FOXP2: variants seen among roughly 807,000 people sequenced by gnomAD.
FOXP2 encodes forkhead box protein P2.
In FOXP2, 12 loss-of-function variants were observed where a neutral mutation model predicts 115.8. The observed-to-expected ratio is 0.10, with a 90% CI of 0.07 to 0.17. The LOEUF is 0.17. Among genes scored for constraint, FOXP2 ranks in the 10% least tolerant of loss-of-function variants. The probability of loss-of-function intolerance (pLI) is 1.00; values close to 1 mark genes in which losing one functional copy is unlikely to be tolerated. For synonymous variants in FOXP2, 328 were observed against 297.7 expected, an observed-to-expected ratio of 1.10 and a Z score of -1.05; for missense variants, 629 against 843.5, an observed-to-expected ratio of 0.75 and a Z score of 3.15.
At chr7:114,270,878 T>C (rs1002915239) in intron 1 of FOXP2, among the ~76,000 whole-genome samples, 1 of 152,100 alleles carries the variant, frequency 6.6e-6, no homozygotes. Flanking sequence ...TAAAAAATCA[T>C]CACTATACCT....
At chr7:114,114,511 C>G (rs563806768) in intron 1 of FOXP2, among the ~76,000 whole-genome samples, 2 of 152,134 alleles carry the variant, frequency 1.3e-5, no homozygotes, top group East Asian at 3.9e-4. Flanking sequence ...ATGAGACGGA[C>G]TAAGATATAT....
chr7:114,672,617 A>AG (rs1196432423), intron 16 of FOXP2, among the ~76,000 whole-genome samples: 1 of 10,018 alleles, frequency 1.0e-4, no homozygotes, highest in Non-Finnish European at 4.2e-3. Context: ...TTTACTCCTT[A>AG]TTCATCTAAT....
intron 3 of FOXP2, among the ~76,000 whole-genome samples, chr7:114,575,630 C>T (rs1392712813): frequency 2.0e-5 from 3 of 151,876 alleles, no homozygotes; most frequent in Non-Finnish European, 4.4e-5. Flanking sequence ...TGATGCCTGG[C>T]AGCCAAGAAG....
intron 2 of FOXP2, among the ~76,000 whole-genome samples, chr7:114,474,253 G>T (rs946346478): frequency 1.3e-5 from 2 of 152,122 alleles, no homozygotes; most frequent in African/African-American, 4.8e-5. Flanking sequence ...GAAATCTAAA[G>T]AGTATAACAG....
chr7:114,405,602 A>G (rs1170534510), intron 2 of FOXP2, among the ~76,000 whole-genome samples: 2 of 151,940 alleles, frequency 1.3e-5, no homozygotes, highest in Non-Finnish European at 1.5e-5. Context: ...TAACGTTAAC[A>G]TTGGTAACAG....
In FOXP2 at chr7:114,149,602, A is replaced by AT. The variant is rs376120503; in HGVS notation, c.-246-13332dup. Among the ~76,000 whole-genome samples the AT allele has an allele frequency of 7.7e-3, 1,149 of 149,340 alleles. 15 individuals are homozygous for AT. The highest frequency in any genetic ancestry group is 0.024 in the African/African-American group (977 of 40,896). On this transcript the variant is annotated intron_variant, in intron 1 of 19. Coordinates refer to the FOXP2 transcript ENST00000635638. The stretch of plus-strand genomic sequence containing the variant: ...TTTATTATTAATTCCCCCATTTAAC[A>AT]TTTTTTTTTTATCTAGCAAACTGTG...
At chr7:114,450,245 A>G (rs1387889278) in intron 2 of FOXP2, among the ~76,000 whole-genome samples, 3 of 152,108 alleles carry the variant, frequency 2.0e-5, no homozygotes, top group Non-Finnish European at 4.4e-5. Context: ...AAACATTAAA[A>G]TGGGCTTGGC....
chr7:114,462,189 G>C (rs2129225147), intron 2 of FOXP2, among the ~76,000 whole-genome samples: 1 of 143,778 alleles, frequency 7.0e-6, no homozygotes, highest in African/African-American at 2.6e-5. Context: ...GCTGAGGCAG[G>C]AGAATCGCTT....
intron 1 of FOXP2, among the ~76,000 whole-genome samples, chr7:114,117,710 C>A (rs999424025): frequency 3.3e-5 from 5 of 152,038 alleles, no homozygotes; most frequent in African/African-American, 1.2e-4. Context: ...CTCTTATTCC[C>A]CAGTGTCTTA....
At chr7:114,204,080 G>A (rs1421997658) in intron 1 of FOXP2, among the ~76,000 whole-genome samples, 2 of 151,570 alleles carry the variant, frequency 1.3e-5, no homozygotes, top group Non-Finnish European at 2.9e-5. Context: ...TTCTTCTGAG[G>A]CATCTTCTTT....
intron 2 of FOXP2, among the ~76,000 whole-genome samples, chr7:114,435,599 G>A (rs367746384): frequency 2.0e-5 from 3 of 152,120 alleles, no homozygotes; most frequent in Admixed American, 6.6e-5. Context: ...GTGCAATGGC[G>A]TGATCTTGGC....
At chr7:114,386,595 A>G (rs1024845457) in intron 2 of FOXP2, among the ~76,000 whole-genome samples, 1 of 152,260 alleles carries the variant, frequency 6.6e-6, no homozygotes, top group East Asian at 1.9e-4. Flanking sequence ...GTCTTTCACT[A>G]TTTTTGGTTT....
chr7:114,133,858 A>T (rs1329001833), intron 1 of FOXP2, among the ~76,000 whole-genome samples: 1 of 152,202 alleles, frequency 6.6e-6, no homozygotes, highest in Non-Finnish European at 1.5e-5. Context: ...CTTCTCCAGT[A>T]TGTTGTGACA....
intron 3 of FOXP2, among the ~76,000 whole-genome samples, chr7:114,603,322 C>A (rs1254982208): frequency 6.6e-6 from 1 of 152,142 alleles, no homozygotes; most frequent in Non-Finnish European, 1.5e-5. Context: ...ACATTAAAAT[C>A]TTACAGCCAT....
At chr7:114,620,364 T>C (rs1351428309) in intron 3 of FOXP2, among the ~76,000 whole-genome samples, 1 of 152,076 alleles carries the variant, frequency 6.6e-6, no homozygotes, top group Non-Finnish European at 1.5e-5. Context: ...AATTGGATCC[T>C]AACTGCCAGA....
intron 1 of FOXP2, among the ~76,000 whole-genome samples, chr7:114,279,728 A>G (rs1378897031): frequency 1.3e-5 from 2 of 151,998 alleles, no homozygotes; most frequent in Non-Finnish European, 2.9e-5. Context: ...TGTTTTGATG[A>G]TCATAAATGC....
intron 1 of FOXP2, among the ~76,000 whole-genome samples, chr7:114,116,722 G>A (rs78769024): frequency 5.9e-5 from 9 of 152,198 alleles, no homozygotes; most frequent in Admixed American, 2.0e-4. Flanking sequence ...GATTAAAAAC[G>A]TAAAATGGGT....
chr7:114,239,944 G>A (rs141061367), intron 1 of FOXP2, among the ~76,000 whole-genome samples: 1 of 152,072 alleles, frequency 6.6e-6, no homozygotes, highest in Non-Finnish European at 1.5e-5. Flanking sequence ...TTTGGAAAAC[G>A]ATATATACTT....
intron 3 of FOXP2, among the ~76,000 whole-genome samples, chr7:114,570,094 T>C (rs1238294737): frequency 6.6e-6 from 1 of 151,910 alleles, no homozygotes; most frequent in East Asian, 1.9e-4. Flanking sequence ...TAATGCTACT[T>C]AGGTAAAAAA....
Sources: allele counts gnomAD v4.1 joint callset (sites outside exome capture counted in the v4.1 genomes callset), GRCh38; gene constraint gnomAD v4.1.1; transcripts MANE v1.5; gene names NCBI Gene and HGNC (gene_info 2026-07-23, HGNC 2026-07-21).